The following PIGR variants were observed in gnomAD, a reference collection of about 807,000 sequenced individuals.
The protein encoded by PIGR is polymeric immunoglobulin receptor.
In PIGR, 22 loss-of-function variants were observed where a neutral mutation model predicts 69.5. The ratio of observed to expected loss-of-function variants is 0.32; its 90% CI spans 0.23 to 0.45. The LOEUF is 0.45. Among genes scored for constraint, PIGR ranks in the 20% least tolerant of loss-of-function variants. The pLI, the probability that PIGR is intolerant of heterozygous loss-of-function variation, is 1.00. For missense variants in PIGR, 885 were observed against 974.0 expected, an observed-to-expected ratio of 0.91 and a Z score of 1.22; for synonymous variants, 413 against 407.6, an observed-to-expected ratio of 1.01 and a Z score of -0.16.
At chr1:206,942,742 G>C (rs1426929063) in intron 1 of PIGR, among the ~76,000 whole-genome samples, 1 of 152,168 alleles carries the variant, frequency 6.6e-6, no homozygotes, top group East Asian at 1.9e-4. Flanking sequence ...GACATGTTTG[G>C]GTGGCTGTGC....
chr1:206,941,949 T>C (rs1426489243), intron 1 of PIGR, among the ~76,000 whole-genome samples: 1 of 152,184 alleles, frequency 6.6e-6, no homozygotes, highest in African/African-American at 2.4e-5. Context: ...AAGCTGGGCG[T>C]TATCTCCCAG....
At position 206,937,856 on chromosome 1, in the gene PIGR, A is replaced by T. The variant is rs1306931583; in HGVS notation, c.389-105T>A. 7.0e-6 allele frequency: 7 copies of T among 1,005,100 alleles called. No individual in the cohort carries two copies. In the Admixed American group the frequency reaches 1.4e-4, roughly 21 times the overall value. The allele number at this position is 1,005,100 out of a possible 1,614,324, so 62.3% of individuals were successfully genotyped here. A position where few individuals can be genotyped will look rare whatever the true frequency, so the allele number is the denominator to read the frequency against. On this transcript the variant is annotated intron_variant, in intron 3 of 10. Transcript: ENST00000356495. ...CTAGTTAGGGTGTGGGTGGACTTAT[A>T]ACCTGGAATGCCCTCCTTCCCAGAG...
intron 6 of PIGR, among the ~76,000 whole-genome samples, chr1:206,933,880 T>G (rs1294506990): frequency 2.6e-5 from 4 of 152,096 alleles, no homozygotes; most frequent in African/African-American, 7.2e-5. Flanking sequence ...TGTCTTTTTT[T>G]TTTTTTTGAA....
chr1:206,934,713 G>A lies in PIGR; in HGVS notation c.1412C>T (p.Thr471Met), dbSNP rs549375857. The change falls in exon 6 of 11, where the codon ACG becomes ATG. Residue 471 changes from threonine to methionine, a missense_variant. Transcript: ENST00000356495. ...CTTGAGAGTCTCTCCCAGCACAGCCGTGACATTCCCTGGTACCTTGAGGTT... is the reference window on the plus strand; with the variant it reads ...CTTGAGAGTCTCTCCCAGCACAGCCATGACATTCCCTGGTACCTTGAGGTT... ...EPNLKVPGNV[T>M]AVLGETLKVP... is the part of the protein sequence containing the mutation. The A allele has an allele frequency of 2.7e-5, 44 of 1,610,156 alleles. No individual in the cohort carries two copies. Among genetic ancestry groups the A allele is most frequent in the South Asian group, 2.1e-4 (19 of 91,080 alleles).
intron 2 of PIGR, 21 bp downstream of exon 2, chr1:206,940,468 G>C: frequency 6.4e-7 from 1 of 1,551,104 alleles, no homozygotes; most frequent in South Asian, 1.2e-5. Flanking sequence ...AGCTTGGAGA[G>C]TTGGGGCCTG....
chr1:206,945,904 A>G (rs1680097723), intron 1 of PIGR, among the ~76,000 whole-genome samples: 1 of 152,222 alleles, frequency 6.6e-6, no homozygotes, highest in Non-Finnish European at 1.5e-5. Flanking sequence ...TTCTCATTTG[A>G]ACCCACATTG....
Position 206,937,623 on chromosome 1 carries a change from G to T in PIGR, c.517C>A (p.Pro173Thr), listed in dbSNP as rs1368527716. 1 of 1,613,712 alleles carries T rather than the reference G, an allele frequency of 6.2e-7. No homozygotes were observed. The highest frequency in any genetic ancestry group is 1.1e-5 in the South Asian group (1 of 91,000). The change falls in exon 4 of 11, where the codon CCT becomes ACT. Residue 173 changes from proline (P) to threonine (T), a missense_variant. Transcript: ENST00000356495. ...CCACTGGAGTCGATGACCAGCACAG[G>T]GTACAGGCCTATCTGCTTGTACAAG... ...KSLYKQIGLY[P>T]VLVIDSSGYV... is the part of the protein sequence containing the mutation.
chr1:206,943,939 A>G (rs1680049073), intron 1 of PIGR, among the ~76,000 whole-genome samples: 1 of 152,178 alleles, frequency 6.6e-6, no homozygotes, highest in African/African-American at 2.4e-5. Context: ...CCATTTCATG[A>G]GTGAGATAAT....
At chr1:206,941,436 C>T (rs1679983047) in intron 1 of PIGR, among the ~76,000 whole-genome samples, 1 of 152,182 alleles carries the variant, frequency 6.6e-6, no homozygotes, top group Non-Finnish European at 1.5e-5. Context: ...CTTATGAAAG[C>T]ACTACCATTT....
chr1:206,944,428 A>G (rs1680061558), intron 1 of PIGR, among the ~76,000 whole-genome samples: 1 of 152,150 alleles, frequency 6.6e-6, no homozygotes, highest in Non-Finnish European at 1.5e-5. Context: ...AGCCAAGATC[A>G]CGCCACTGCA....
chr1:206,932,490 C>T lies in PIGR; in HGVS notation c.1974G>A (p.Val658=), dbSNP rs35311172. 6.2e-7 allele frequency: 1 copy of T among 1,612,984 alleles called. No homozygotes were observed. Among genetic ancestry groups the T allele is most frequent in the South Asian group, 1.1e-5 (1 of 91,012 alleles). The change falls in exon 8 of 11, where the codon GTG becomes GTA. Residue 658 remains valine (V), a synonymous_variant. Transcript: ENST00000356495. Reference sequence around the variant, plus strand: ...TCCTGTGCCGGGCTCTGGCCACCCCCACAGCCACGGCTCCCACTGCCAGCA... The same window carrying T: ...TCCTGTGCCGGGCTCTGGCCACCCCTACAGCCACGGCTCCCACTGCCAGCA... ...GLVLAVGAVA[V]GVARARHRKN...
At chr1:206,934,383 G>A in intron 6 of PIGR, 37 bp downstream of exon 6, 1 of 1,565,732 alleles carries the variant, frequency 6.4e-7, no homozygotes, top group South Asian at 1.2e-5. Flanking sequence ...CCTGCCTCTG[G>A]GTCTGAGGGG....
At chr1:206,940,403 G>C in intron 2 of PIGR, 86 bp downstream of exon 2, 1 of 1,297,504 alleles carries the variant, frequency 7.7e-7, no homozygotes, top group Non-Finnish European at 1.1e-6. Flanking sequence ...GGATGAGTCT[G>C]ATTTTAGTGT....
chr1:206,939,935 G>C (rs1319984948), intron 2 of PIGR, among the ~76,000 whole-genome samples: 1 of 152,154 alleles, frequency 6.6e-6, no homozygotes, highest in African/African-American at 2.4e-5. Flanking sequence ...GGCCAGGCTG[G>C]TCTTGAGCTA....
In PIGR at chr1:206,937,407, C is replaced by T; in HGVS notation, c.733G>A (p.Val245Ile). 1.2e-6 allele frequency: 2 copies of T among 1,614,156 alleles called. No individual in the cohort carries two copies. Among genetic ancestry groups the T allele is most frequent in the East Asian group, 2.2e-5 (1 of 44,884 alleles). Reference sequence around the variant, plus strand: ...ACTGAGCCCCTCAGGTCTTCATAAACCAGCTCGGGCTCGGGCTTTAGCACT... The same window carrying T: ...ACTGAGCCCCTCAGGTCTTCATAAATCAGCTCGGGCTCGGGCTTTAGCACT... ...LQVLKPEPEL[V>I]YEDLRGSVTF... The change falls in exon 4 of 11, where the codon GTT becomes ATT. Residue 245 changes from valine (V) to isoleucine (I), a missense_variant. Coordinates refer to ENST00000356495, the MANE Select transcript of PIGR (RefSeq NM_002644.4).
In PIGR at chr1:206,930,356, C is replaced by T. The variant is rs781672177; in HGVS notation, c.2257G>A (p.Val753Met). The T allele has an allele frequency of 6.2e-5, 100 of 1,611,526 alleles. No homozygotes were observed. Among genetic ancestry groups the T allele is most frequent in the Non-Finnish European group, 8.1e-5 (96 of 1,178,800 alleles). ...GGGCCGTCCTGGGCCTCGGCGGCCA[C>T]GGTGCTGGACTGGAGCAGGAAGTCT... ...YKDFLLQSSTVAAEAQDGPQE... is the reference protein window; with the variant it reads ...YKDFLLQSSTMAAEAQDGPQE... Residue 753 changes from valine (V) to methionine (M), a missense_variant, in exon 11 of 11, where the codon GTG (valine) becomes ATG (methionine). Transcript: ENST00000356495. This position sits in a 1 kb window ranked among gnomAD's most constrained non-coding sequence, Gnocchi z 4.3.
intron 4 of PIGR, among the ~76,000 whole-genome samples, chr1:206,936,511 C>G (rs1679865045): frequency 6.6e-6 from 1 of 152,110 alleles, no homozygotes; most frequent in Non-Finnish European, 1.5e-5. Context: ...GAGGGCAACT[C>G]TATGCAGGGT....
chr1:206,941,843 A>G (rs1199217669), intron 1 of PIGR, among the ~76,000 whole-genome samples: 3 of 152,204 alleles, frequency 2.0e-5, no homozygotes, highest in African/African-American at 7.2e-5. Flanking sequence ...GACAGACTTT[A>G]AACTTTGGAG....
chr1:206,941,947 C>T (rs531379572), intron 1 of PIGR, among the ~76,000 whole-genome samples: 12 of 152,328 alleles, frequency 7.9e-5, no homozygotes, highest in African/African-American at 1.2e-4. Flanking sequence ...GGAAGCTGGG[C>T]GTTATCTCCC....
Sources: allele counts gnomAD v4.1 joint callset (sites outside exome capture counted in the v4.1 genomes callset), GRCh38; gene constraint gnomAD v4.1.1; non-coding constraint Gnocchi (gnomAD v3.1); transcripts MANE v1.5; gene names NCBI Gene and HGNC (gene_info 2026-07-23, HGNC 2026-07-21).